Variants in MICAL3 observed in about 807,000 individuals in gnomAD.
MICAL3 encodes [F-actin]-monooxygenase MICAL3.
MICAL3 carries 62 observed loss-of-function variants against 207.4 expected under a neutral mutation model. The ratio of observed to expected loss-of-function variants is 0.30; its 90% CI spans 0.24 to 0.37. The LOEUF (loss-of-function observed/expected upper bound fraction) is 0.37, where lower values mean the gene tolerates loss of function less well. Among genes scored for constraint, MICAL3 ranks in the 10% least tolerant of loss-of-function variants. The probability of loss-of-function intolerance (pLI) is 1.00; values close to 1 mark genes in which losing one functional copy is unlikely to be tolerated. For missense variants in MICAL3, 2,368 were observed against 2,635.6 expected, an observed-to-expected ratio of 0.90 and a Z score of 2.22; for synonymous variants, 1,077 against 1,069.3, an observed-to-expected ratio of 1.01 and a Z score of -0.14.
chr22:17,882,806 T>C (rs778536309), intron 16 of MICAL3, among the ~76,000 whole-genome samples: 19 of 152,210 alleles, frequency 1.2e-4, no homozygotes, highest in Non-Finnish European at 2.4e-4. Context: ...TAATCTCCAG[T>C]GCCCATCCCA....
At chr22:17,824,586 T>C (rs1304665615) in intron 22 of MICAL3, among the ~76,000 whole-genome samples, 1 of 152,238 alleles carries the variant, frequency 6.6e-6, no homozygotes, top group East Asian at 1.9e-4. Context: ...TTTGAAGAAC[T>C]GTATGAAACA....
intron 20 of MICAL3, among the ~76,000 whole-genome samples, chr22:17,833,839 C>T (rs1424574515): frequency 6.6e-6 from 1 of 152,158 alleles, no homozygotes; most frequent in Non-Finnish European, 1.5e-5. Context: ...ATACTCCTGG[C>T]GTATCGTCAC....
At chr22:17,861,585 C>G in intron 19 of MICAL3, 11 of 985,388 alleles carry the variant, frequency 1.1e-5, no homozygotes, top group Non-Finnish European at 1.2e-5. Flanking sequence ...TTCTCATGTC[C>G]AAGGGGAAAA....
intron 1 of MICAL3, among the ~76,000 whole-genome samples, chr22:17,963,441 C>T (rs902910143): frequency 2.0e-5 from 3 of 152,082 alleles, no homozygotes; most frequent in African/African-American, 7.2e-5. Flanking sequence ...CACATAAATG[C>T]GGGCTAAGGA....
At chr22:17,915,103 T>TC (rs1278805073) in intron 1 of MICAL3, among the ~76,000 whole-genome samples, 2 of 133,416 alleles carry the variant, frequency 1.5e-5, no homozygotes, top group South Asian at 2.9e-4. Flanking sequence ...CAAAGGAGAA[T>TC]CCCAAAAAAA....
At chr22:17,924,762 G>A (rs986566413) in intron 1 of MICAL3, among the ~76,000 whole-genome samples, 3 of 152,166 alleles carry the variant, frequency 2.0e-5, no homozygotes, top group Admixed American at 6.5e-5. Context: ...GCAACCAGAA[G>A]CCCCAGAGCA....
chr22:17,946,514 G>A (rs1035733866), intron 1 of MICAL3, among the ~76,000 whole-genome samples: 4 of 152,180 alleles, frequency 2.6e-5, no homozygotes, highest in African/African-American at 7.2e-5. Flanking sequence ...GAGCCTCTGT[G>A]AGAACACCCA....
intron 19 of MICAL3, 26 bp downstream of exon 19, chr22:17,864,873 C>A (rs1252561837): frequency 1.9e-6 from 3 of 1,613,886 alleles, no homozygotes; most frequent in South Asian, 1.1e-5. Flanking sequence ...GACGCGCCAC[C>A]CAGCCAAACA....
intron 1 of MICAL3, among the ~76,000 whole-genome samples, chr22:17,994,567 G>A (rs1922065132): frequency 2.0e-5 from 3 of 152,126 alleles, no homozygotes; most frequent in Admixed American, 2.0e-4. Flanking sequence ...TTAAAAATTA[G>A]TCGGGTGTGG....
rs974179460 is a variant in MICAL3, at chr22:17,788,713, G to A, written c.*2019C>T. Reference sequence around the variant, plus strand: ...AATCAGCGCTGTGGCGGCCACTAGCGGCGTTATCTCCCGGATGTGCATGGG... The same window carrying A: ...AATCAGCGCTGTGGCGGCCACTAGCAGCGTTATCTCCCGGATGTGCATGGG... On this transcript the variant is annotated 3_prime_UTR_variant, in exon 32 of 32. Coordinates refer to ENST00000441493, the MANE Select transcript of MICAL3 (RefSeq NM_015241.3). 8.5e-5 allele frequency: 13 copies of A among 152,414 alleles called. No homozygotes were observed. Among genetic ancestry groups the A allele is most frequent in the Non-Finnish European group, 1.9e-4 (13 of 68,050 alleles). The allele number at this position is 152,414 out of a possible 1,614,324, so 9.4% of individuals were successfully genotyped here.
chr22:17,791,402 C>T, intron 29 of MICAL3, 101 bp from the exon 30 acceptor site: 2 of 1,026,120 alleles, frequency 1.9e-6, no homozygotes, highest in Non-Finnish European at 2.9e-6. Flanking sequence ...GAGCAAGATG[C>T]TGCCGGAACT....
intron 1 of MICAL3, among the ~76,000 whole-genome samples, chr22:18,000,522 G>C (rs1015508743): frequency 2.6e-5 from 4 of 152,246 alleles, no homozygotes; most frequent in Non-Finnish European, 2.9e-5. Context: ...TGAGCAAGCG[G>C]GGTGGCGGCT....
chr22:17,947,795 C>G (rs1189982690), intron 1 of MICAL3, among the ~76,000 whole-genome samples: 1 of 152,170 alleles, frequency 6.6e-6, no homozygotes, highest in African/African-American at 2.4e-5. Context: ...ACTTCCTGGG[C>G]TCAAGTGATT....
intron 19 of MICAL3, among the ~76,000 whole-genome samples, chr22:17,848,547 C>T (rs1924881900): frequency 6.6e-6 from 1 of 152,184 alleles, no homozygotes; most frequent in Non-Finnish European, 1.5e-5. Context: ...TGGTTCACTC[C>T]TATCTTGCTT....
At chr22:17,806,738 T>C (rs144848604) in intron 29 of MICAL3, among the ~76,000 whole-genome samples, 241 of 149,496 alleles carry the variant, frequency 1.6e-3, no homozygotes, top group African/African-American at 5.8e-3. Flanking sequence ...GAACTTATCA[T>C]CTTGTGAAAA....
intron 19 of MICAL3, among the ~76,000 whole-genome samples, chr22:17,849,625 G>C (rs1925023209): frequency 6.8e-6 from 1 of 147,822 alleles, no homozygotes. Context: ...ATCAGCCACT[G>C]TGCCTGGCCC....
chr22:17,871,901 G>A lies in MICAL3; in HGVS notation c.2364C>T (p.Cys788=), dbSNP rs1393905447. Residue 788 remains cysteine (C), a synonymous_variant, in exon 17 of 32, where the codon TGC becomes TGT. Transcript: ENST00000441493. ...SAEGKFFHRS[C]FKCEYCATTL... ...TGGTGGCGCAGTACTCGCACTTGAA[G>A]CAGCTCCGGTGGAAGAACTTGCCCT... The A allele has an allele frequency of 6.2e-7, 1 of 1,611,636 alleles. No individual in the cohort carries two copies. The highest frequency in any genetic ancestry group is 1.1e-5 in the South Asian group (1 of 90,282).
intron 29 of MICAL3, among the ~76,000 whole-genome samples, chr22:17,800,339 T>C (rs2061924891): frequency 6.6e-6 from 1 of 152,170 alleles, no homozygotes; most frequent in Admixed American, 6.5e-5. Context: ...CATCTGTCTG[T>C]TCTAGTGCAA....
rs770188717 is a variant in MICAL3 at position 17,900,991 on chromosome 22, C to A, written c.698G>T (p.Arg233Leu). ...DGRRNTLEGF[R>L]RKEFRGKLAI... is the part of the protein sequence containing the mutation. ...CAGTTTGCCACGGAATTCTTTCCGA[C>A]GAAACCCTGGAGGGAAATAAATTTT... Residue 233 changes from arginine (R) to leucine (L), a missense_variant, in exon 6 of 32, where the codon CGT (arginine) becomes CTT (leucine). Arg to Leu is a moderately radical substitution (Grantham distance 102). Coordinates refer to ENST00000441493, the MANE Select transcript of MICAL3 (RefSeq NM_015241.3). The surrounding 1 kb of genome is among the most constrained non-coding windows in gnomAD (Gnocchi z 4.0). 3 of 1,613,868 alleles carry A rather than the reference C, an allele frequency of 1.9e-6. No homozygotes were observed. In the South Asian group the frequency reaches 3.3e-5, roughly 18 times the overall value.
Sources: allele counts gnomAD v4.1 joint callset (sites outside exome capture counted in the v4.1 genomes callset), GRCh38; gene constraint gnomAD v4.1.1; non-coding constraint Gnocchi (gnomAD v3.1); transcripts MANE v1.5; gene names NCBI Gene and HGNC (gene_info 2026-07-23, HGNC 2026-07-21).